The following RGS8 variants were observed in gnomAD, a reference collection of about 807,000 sequenced individuals.
The protein encoded by RGS8 is regulator of G-protein signaling 8.
In RGS8, 8 loss-of-function variants were observed where a neutral mutation model predicts 21.7. That is an observed-to-expected ratio of 0.37 (90% CI 0.22 to 0.66). The LOEUF is 0.66. Ranked by LOEUF, RGS8 falls within the 30% of genes least tolerant of loss-of-function variation. The pLI, the probability that RGS8 is intolerant of heterozygous loss-of-function variation, is 0.59. For missense variants in RGS8, 157 were observed against 217.9 expected, an observed-to-expected ratio of 0.72 and a Z score of 1.76; for synonymous variants, 80 against 83.6, an observed-to-expected ratio of 0.96 and a Z score of 0.24.
the RGS8 span, among the ~76,000 whole-genome samples, chr1:182,744,246 G>C: frequency 2.0e-5 from 3 of 151,814 alleles, no homozygotes; most frequent in Non-Finnish European, 2.9e-5. Context: ...TCCTGGGCTC[G>C]AGAGTAGCTG....
At chr1:182,743,269 A>G in the RGS8 span, among the ~76,000 whole-genome samples, 2 of 152,232 alleles carry the variant, frequency 1.3e-5, no homozygotes, top group Non-Finnish European at 2.9e-5. Context: ...TATGTCTTGC[A>G]GCAAGTACTG....
the RGS8 span, among the ~76,000 whole-genome samples, chr1:182,691,119 G>A: frequency 1.3e-5 from 2 of 152,212 alleles, no homozygotes; most frequent in Admixed American, 1.3e-4. Context: ...ATAAGAGTGA[G>A]CCCAGCCAAG....
chr1:182,665,944 AT>A (rs767816523), intron 5 of RGS8, 24 bp downstream of exon 6: 18 of 1,594,774 alleles, frequency 1.1e-5, no homozygotes, highest in Non-Finnish European at 1.5e-5. Context: ...TTGCCATGTC[AT>A]GATACGACCT....
the RGS8 span, among the ~76,000 whole-genome samples, chr1:182,730,592 C>T: frequency 6.6e-6 from 1 of 152,012 alleles, no homozygotes; most frequent in African/African-American, 2.4e-5. Flanking sequence ...TGCCTGTAAT[C>T]CCAACTACTT....
chr1:182,693,888 C>T, the RGS8 span, among the ~76,000 whole-genome samples: 4 of 152,240 alleles, frequency 2.6e-5, no homozygotes, highest in East Asian at 3.9e-4. Flanking sequence ...CCAAGTGCCA[C>T]GTGTTCTCAA....
Position 182,671,542 on chromosome 1 carries a change from C to T in RGS8, c.-104+115G>A, listed in dbSNP as rs116590232. On this transcript the variant is annotated intron_variant, in intron 2 of 6. Coordinates refer to ENST00000483095, the Ensembl canonical transcript of RGS8. ...AGAGGGGGAGAGAAACTAGAGCCTC[C>T]GAGGGAAGAAAGCAATCAATATGCA... 5,374 of 864,796 alleles carry T rather than the reference C, an allele frequency of 6.2e-3. 193 individuals carry two copies. The African/African-American group carries it at 0.08, about 13-fold the overall frequency. The allele number at this position is 864,796 out of a possible 1,614,324, so 53.6% of individuals were successfully genotyped here. A position where few individuals can be genotyped will look rare whatever the true frequency, so the allele number is the denominator to read the frequency against.
the RGS8 span, among the ~76,000 whole-genome samples, chr1:182,706,569 C>A: frequency 3.3e-5 from 5 of 152,052 alleles, no homozygotes; most frequent in Non-Finnish European, 7.4e-5. Flanking sequence ...TGGGTTCAAG[C>A]GATTCTCGTG....
chr1:182,707,169 C>T, the RGS8 span, among the ~76,000 whole-genome samples: 1 of 152,022 alleles, frequency 6.6e-6, no homozygotes, highest in African/African-American at 2.4e-5. Flanking sequence ...AAAAAACAAA[C>T]AAACAAACAA....
chr1:182,665,903 C>T (rs996667743), intron 5 of RGS8, 66 bp downstream of exon 6: 12 of 1,399,156 alleles, frequency 8.6e-6, no homozygotes, highest in Admixed American at 1.7e-5. Flanking sequence ...TCATCACAGG[C>T]CTTTGGTACA....
chr1:182,709,176 C>G, the RGS8 span, among the ~76,000 whole-genome samples: 1 of 152,154 alleles, frequency 6.6e-6, no homozygotes, highest in Non-Finnish European at 1.5e-5. Flanking sequence ...TCTAACTTTC[C>G]CAATGTTGTG....
At chr1:182,724,203 T>TATAG in the RGS8 span, among the ~76,000 whole-genome samples, 2 of 18,002 alleles carry the variant, frequency 1.1e-4, no homozygotes, top group Non-Finnish European at 2.1e-4. Flanking sequence ...CTAGACTGGA[T>TATAG]ATATATATAT....
At chr1:182,670,096 G>A (rs1364865432) in intron 2 of RGS8, among the ~76,000 whole-genome samples, 2 of 152,206 alleles carry the variant, frequency 1.3e-5, no homozygotes, top group South Asian at 2.1e-4. Flanking sequence ...ACCAGCAAGC[G>A]GGATTGGAGG....
the RGS8 span, among the ~76,000 whole-genome samples, chr1:182,741,320 C>CT: frequency 7.8e-6 from 1 of 127,932 alleles, no homozygotes; most frequent in Non-Finnish European, 1.7e-5. Flanking sequence ...GCTGACCCCC[C>CT]ACCTCCCTCC....
chr1:182,648,945 A>T (rs1394404607), intron 5 of RGS8, among the ~76,000 whole-genome samples: 2 of 152,138 alleles, frequency 1.3e-5, no homozygotes, highest in African/African-American at 2.4e-5. Context: ...TACTAAATAC[A>T]AAGAATTAGC....
the RGS8 span, among the ~76,000 whole-genome samples, chr1:182,746,230 C>T: frequency 5.3e-5 from 8 of 152,266 alleles, no homozygotes; most frequent in African/African-American, 1.9e-4. Flanking sequence ...TCCTTCAGTA[C>T]AAATCTGCAA....
chr1:182,740,618 G>A, the RGS8 span, among the ~76,000 whole-genome samples: 395 of 132,286 alleles, frequency 3.0e-3, 2 homozygotes, highest in Admixed American at 7.2e-3. Flanking sequence ...ATTTGGCAGA[G>A]TCACAGGACA....
the RGS8 span, among the ~76,000 whole-genome samples, chr1:182,711,389 TC>T: frequency 6.6e-6 from 1 of 151,940 alleles, no homozygotes; most frequent in East Asian, 1.9e-4. Context: ...TTTCCAAGAG[TC>T]CTTTTCAAAA....
chr1:182,741,402 C>T, the RGS8 span, among the ~76,000 whole-genome samples: 38 of 114,338 alleles, frequency 3.3e-4, no homozygotes, highest in East Asian at 6.0e-4. Flanking sequence ...GCTGGCCGGG[C>T]GGGGGGCTGA....
At chr1:182,737,854 A>G in the RGS8 span, among the ~76,000 whole-genome samples, 2 of 152,162 alleles carry the variant, frequency 1.3e-5, no homozygotes, top group Non-Finnish European at 2.9e-5. Context: ...GTTCACCAGC[A>G]TGTGAGAAAC....
Sources: allele counts gnomAD v4.1 joint callset (sites outside exome capture counted in the v4.1 genomes callset), GRCh38; gene constraint gnomAD v4.1.1; transcripts MANE v1.5; gene names NCBI Gene and HGNC (gene_info 2026-07-23, HGNC 2026-07-21).